Variants in COL5A2 observed in about 807,000 individuals in gnomAD.
The protein encoded by COL5A2 is collagen type V alpha 2 chain, also known as collagen alpha-2(V) chain.
COL5A2 carries 23 observed loss-of-function variants against 208.2 expected under a neutral mutation model. The ratio of observed to expected loss-of-function variants is 0.11; its 90% confidence interval spans 0.08 to 0.16. The LOEUF (loss-of-function observed/expected upper bound fraction) is 0.16, where lower values mean the gene tolerates loss of function less well. Among genes scored for constraint, COL5A2 ranks in the 10% least tolerant of loss-of-function variants. The probability of loss-of-function intolerance (pLI) is 1.00; values close to 1 mark genes in which losing one functional copy is unlikely to be tolerated. For missense variants in COL5A2, 1,590 were observed against 1,956.4 expected, an observed-to-expected ratio of 0.81 and a Z score of 3.53; for synonymous variants, 625 against 628.5, an observed-to-expected ratio of 0.99 and a Z score of 0.08.
At chr2:189,034,820 G>T in intron 53 of COL5A2, 96 bp downstream of exon 53, 1 of 1,445,206 alleles carries the variant, frequency 6.9e-7, no homozygotes, top group Non-Finnish European at 9.6e-7. Flanking sequence ...TCATATACAA[G>T]GTAAAATTGC....
the COL5A2 span, among the ~76,000 whole-genome samples, chr2:189,284,499 A>G: frequency 6.6e-6 from 1 of 152,118 alleles, no homozygotes; most frequent in Non-Finnish European, 1.5e-5. Flanking sequence ...GGGAAATGCT[A>G]CACCCTTTTA....
chr2:189,270,498 A>G, the COL5A2 span, among the ~76,000 whole-genome samples: 1 of 152,172 alleles, frequency 6.6e-6, no homozygotes, highest in Non-Finnish European at 1.5e-5. Context: ...GTAGTCATTC[A>G]GGAGCATGTT....
chr2:189,162,085 C>T (rs531316165), intron 1 of COL5A2, among the ~76,000 whole-genome samples: 2 of 152,308 alleles, frequency 1.3e-5, no homozygotes, highest in South Asian at 2.1e-4. Context: ...CCATCCCAGT[C>T]CTCCACCTCT....
At chr2:189,421,070 G>T in the COL5A2 span, among the ~76,000 whole-genome samples, 2 of 152,116 alleles carry the variant, frequency 1.3e-5, no homozygotes, top group Admixed American at 6.6e-5. Flanking sequence ...AGAGTTGTAT[G>T]AGCTCACTAA....
chr2:189,045,222 C>A lies in COL5A2; in HGVS notation c.3320G>T (p.Gly1107Val). ...AGQRGDPGSR[G>V]PIGPPGRAGK... ...AGCTCGACCAGGTGGTCCTATAGGACCCCGAGAACCCTAAAAGAAATTTAC... is the reference window on the plus strand; with the variant it reads ...AGCTCGACCAGGTGGTCCTATAGGAACCCGAGAACCCTAAAAGAAATTTAC... The change falls in exon 47 of 54, where the codon GGT becomes GTT. Residue 1107 changes from glycine (G) to valine (V), a missense_variant. Transcript: ENST00000374866. The A allele has an allele frequency of 1.9e-6, 3 of 1,607,010 alleles. No homozygotes were observed. Among genetic ancestry groups the A allele is most frequent in the South Asian group, 2.2e-5 (2 of 90,188 alleles).
At chr2:189,279,529 T>TGAA in the COL5A2 span, among the ~76,000 whole-genome samples, 45 of 114,532 alleles carry the variant, frequency 3.9e-4, no homozygotes, top group South Asian at 1.1e-3. Context: ...AGCATTTTTG[T>TGAA]AAAAAAAAAA....
At chr2:189,124,513 A>G (rs1324654107) in intron 1 of COL5A2, among the ~76,000 whole-genome samples, 1 of 152,198 alleles carries the variant, frequency 6.6e-6, no homozygotes, top group Non-Finnish European at 1.5e-5. Flanking sequence ...GACTCCGTTC[A>G]GCAAACAGAA....
At chr2:189,034,263 C>A in intron 53 of COL5A2, 47 bp from the exon 54 acceptor site, 1 of 1,608,368 alleles carries the variant, frequency 6.2e-7, no homozygotes, top group East Asian at 2.2e-5. Flanking sequence ...CAATTTTTTC[C>A]AAGTATGTTA....
chr2:189,150,251 C>T (rs1359652977), intron 1 of COL5A2, among the ~76,000 whole-genome samples: 1 of 152,102 alleles, frequency 6.6e-6, no homozygotes, highest in Non-Finnish European at 1.5e-5. Flanking sequence ...GTATTACAAT[C>T]GTACTTTAGA....
chr2:189,059,002 G>C (rs1006301990), intron 31 of COL5A2, 109 bp from the exon 32 acceptor site: 1 of 774,406 alleles, frequency 1.3e-6, no homozygotes, highest in Non-Finnish European at 2.2e-6. Context: ...CCATTAGAAG[G>C]CTGCATAAGC....
the COL5A2 span, among the ~76,000 whole-genome samples, chr2:189,329,575 G>T: frequency 1.1e-4 from 16 of 152,048 alleles, 1 homozygote; most frequent in East Asian, 3.1e-3. Flanking sequence ...AAAACATGTT[G>T]TATAGCATAA....
the COL5A2 span, among the ~76,000 whole-genome samples, chr2:189,343,664 G>A: frequency 1.8e-4 from 27 of 152,026 alleles, no homozygotes; most frequent in South Asian, 2.1e-4. Flanking sequence ...TTAGCTCCTC[G>A]TTAACCATTT....
chr2:189,253,854 T>C, the COL5A2 span, among the ~76,000 whole-genome samples: 1 of 152,260 alleles, frequency 6.6e-6, no homozygotes, highest in Admixed American at 6.5e-5. Flanking sequence ...TGATCTCCCT[T>C]CATTGCTCTG....
chr2:189,158,715 C>T (rs186729568), intron 1 of COL5A2, among the ~76,000 whole-genome samples: 2 of 152,154 alleles, frequency 1.3e-5, no homozygotes, highest in Admixed American at 6.5e-5. Context: ...TGATACCTTC[C>T]ATAACACTAT....
At chr2:189,401,989 C>CA in the COL5A2 span, among the ~76,000 whole-genome samples, 162 of 148,336 alleles carry the variant, frequency 1.1e-3, 1 homozygote, top group Admixed American at 3.3e-3. Context: ...TAATAGATTG[C>CA]AAAAAAAAAA....
chr2:189,154,622 A>G (rs1251697877), intron 1 of COL5A2, among the ~76,000 whole-genome samples: 4 of 152,188 alleles, frequency 2.6e-5, no homozygotes, highest in Non-Finnish European at 2.9e-5. Context: ...GTGGCCGTCA[A>G]AATGAACCAT....
intron 18 of COL5A2, among the ~76,000 whole-genome samples, chr2:189,069,709 T>C (rs1686228372): frequency 6.6e-6 from 1 of 152,230 alleles, no homozygotes; most frequent in Admixed American, 6.5e-5. Context: ...AAAAAGTCTA[T>C]ATAAAATTTC....
At chr2:189,243,352 C>T in the COL5A2 span, among the ~76,000 whole-genome samples, 2 of 152,198 alleles carry the variant, frequency 1.3e-5, no homozygotes, top group African/African-American at 4.8e-5. Context: ...ATATCCAAAA[C>T]TGGGTAATTT....
chr2:189,333,336 G>C, the COL5A2 span, among the ~76,000 whole-genome samples: 1 of 152,104 alleles, frequency 6.6e-6, no homozygotes, highest in East Asian at 1.9e-4. Context: ...AGGAGAAATA[G>C]AGTAAGTATA....
Sources: allele counts gnomAD v4.1 joint callset (sites outside exome capture counted in the v4.1 genomes callset), GRCh38; gene constraint gnomAD v4.1.1; transcripts MANE v1.5; gene names NCBI Gene and HGNC (gene_info 2026-07-23, HGNC 2026-07-21).